Variants in DST observed in about 807,000 individuals in gnomAD.
The protein encoded by DST is bullous pemphigoid antigen.
DST carries 253 observed loss-of-function variants against 875.2 expected under a neutral mutation model. That is an observed-to-expected ratio of 0.29 (90% CI 0.26 to 0.32). DST has a LOEUF of 0.32. Among genes scored for constraint, DST ranks in the 10% least tolerant of loss-of-function variants. The pLI is 1.00. For synonymous variants in DST, 3,124 were observed against 3,197.1 expected (o/e 0.98, Z 0.77); for missense variants, 8,287 against 9,111.6 (o/e 0.91, Z 3.68).
At chr6:56,762,615 C>T (rs2099619936) in intron 4 of DST, among the ~76,000 whole-genome samples, 1 of 152,178 alleles carries the variant, frequency 6.6e-6, no homozygotes. Flanking sequence ...CCTTCTTTCA[C>T]TATCACAGTT....
At chr6:56,870,538 A>G (rs529431639) in intron 3 of DST, among the ~76,000 whole-genome samples, 2 of 151,980 alleles carry the variant, frequency 1.3e-5, no homozygotes, top group Non-Finnish European at 2.9e-5. Context: ...CGAGGTGGGC[A>G]GATCACCTGA....
chr6:56,626,564 T>C (rs1342671634), intron 34 of DST, among the ~76,000 whole-genome samples: 1 of 152,056 alleles, frequency 6.6e-6, no homozygotes, highest in African/African-American at 2.4e-5. Context: ...GTTCGCACAA[T>C]GAAAAAATCA....
chr6:56,666,129 C>T (rs1028321416), intron 10 of DST, among the ~76,000 whole-genome samples: 10 of 151,978 alleles, frequency 6.6e-5, no homozygotes, highest in Admixed American at 2.6e-4. Flanking sequence ...ATATTTTCTA[C>T]GGAAAATTTT....
chr6:56,468,108 T>G (rs1212001052), intron 98 of DST, among the ~76,000 whole-genome samples: 1 of 152,120 alleles, frequency 6.6e-6, no homozygotes, highest in Non-Finnish European at 1.5e-5. Context: ...GGCAGAGTCA[T>G]ATCTAATGTA....
intron 5 of DST, among the ~76,000 whole-genome samples, chr6:56,707,571 G>A (rs2099346060): frequency 6.6e-6 from 1 of 152,156 alleles, no homozygotes; most frequent in Non-Finnish European, 1.5e-5. Context: ...ATAGTGCTGA[G>A]AATTCTGTGC....
At chr6:56,702,493 G>A (rs1263923148) in intron 7 of DST, among the ~76,000 whole-genome samples, 1 of 151,902 alleles carries the variant, frequency 6.6e-6, no homozygotes, top group African/African-American at 2.4e-5. Flanking sequence ...AGACAGAGAA[G>A]GTTTACTTAG....
chr6:56,808,108 A>C (rs2099755333), intron 4 of DST, among the ~76,000 whole-genome samples: 1 of 152,194 alleles, frequency 6.6e-6, no homozygotes, highest in South Asian at 2.1e-4. Flanking sequence ...TTACCTAGAA[A>C]GGGTGAGTCT....
chr6:56,495,387 C>G (rs966611218), intron 82 of DST, among the ~76,000 whole-genome samples: 2 of 151,630 alleles, frequency 1.3e-5, no homozygotes, highest in African/African-American at 4.8e-5. Context: ...TTTTAAATAC[C>G]CCGCCCAAAC....
At chr6:56,479,960 T>C (rs1405841324) in intron 90 of DST, among the ~76,000 whole-genome samples, 2 of 152,234 alleles carry the variant, frequency 1.3e-5, no homozygotes, top group African/African-American at 2.4e-5. Flanking sequence ...TTTATTCTAA[T>C]TTAAGTGGCC....
intron 2 of DST, among the ~76,000 whole-genome samples, chr6:56,900,992 G>A (rs557906858): frequency 6.6e-5 from 10 of 152,112 alleles, no homozygotes; most frequent in African/African-American, 2.2e-4. Flanking sequence ...TGTAGGGAGC[G>A]GGACAGGATA....
rs1374449576 is a variant in DST, at chr6:56,740,046, G to C, written c.626-4757C>G. 2.0e-5 allele frequency among the ~76,000 whole-genome samples: 3 copies of C among 152,162 alleles called. No individual in the cohort carries two copies. The East Asian group carries it at 5.8e-4, about 29-fold the overall frequency. The stretch of plus-strand genomic sequence containing the variant: ...CTGGCTAATGTTTGTATTTTAGACA[G>C]GGTTTCGCCATGTTAGCCAGGTTGG... On this transcript the variant is annotated intron_variant, in intron 4 of 103. Coordinates refer to ENST00000680361, the MANE Select transcript of DST (RefSeq NM_001374736.1).
chr6:56,937,582 T>C (rs1156349317), intron 2 of DST, among the ~76,000 whole-genome samples: 1 of 152,160 alleles, frequency 6.6e-6, no homozygotes, highest in Non-Finnish European at 1.5e-5. Flanking sequence ...TACAGCCATT[T>C]AAAAAAACAA....
intron 54 of DST, 125 bp downstream of exon 54, chr6:56,569,731 A>T (rs1314343657): frequency 5.6e-6 from 4 of 715,770 alleles, no homozygotes; most frequent in Non-Finnish European, 8.4e-6. Context: ...AAGGTCAACA[A>T]AATATACAGT....
intron 3 of DST, among the ~76,000 whole-genome samples, chr6:56,861,444 C>T (rs1771111316): frequency 6.6e-6 from 1 of 152,176 alleles, no homozygotes; most frequent in East Asian, 1.9e-4. Flanking sequence ...GCAAACCAAT[C>T]CAACCACAGC....
At chr6:56,777,460 T>C (rs996456283) in intron 4 of DST, among the ~76,000 whole-genome samples, 1 of 152,102 alleles carries the variant, frequency 6.6e-6, no homozygotes, top group Admixed American at 6.5e-5. Flanking sequence ...TGCAGTGTCA[T>C]GCAAGTGGGA....
At chr6:56,866,279 T>A (rs375004304) in intron 3 of DST, among the ~76,000 whole-genome samples, 1 of 152,230 alleles carries the variant, frequency 6.6e-6, no homozygotes. Flanking sequence ...ATTACAGGCA[T>A]GAGCCACCAT....
chr6:56,883,011 G>A (rs2127640346), intron 3 of DST, among the ~76,000 whole-genome samples: 1 of 152,294 alleles, frequency 6.6e-6, no homozygotes, highest in African/African-American at 2.4e-5. Flanking sequence ...GGAATTACAG[G>A]TGCGTGCCAC....
rs780605536 is a variant in DST at position 56,632,045 on chromosome 6, G to A, written c.3806-5C>T. 3 of 1,607,362 alleles carry A rather than the reference G, an allele frequency of 1.9e-6. No individual in the cohort carries two copies. The highest frequency in any genetic ancestry group is 2.6e-6 in the Non-Finnish European group (3 of 1,174,188). On this transcript the variant is annotated splice_polypyrimidine_tract_variant and splice_region_variant and intron_variant, in intron 28 of 103. Transcript: ENST00000680361. ...AAACTGATTCCTCTTGCTCCTCTGT[G>A]AAAATAAATATGTTTAGAAAATACC...
rs1159837857 is a variant in DST, at chr6:56,701,909, A to G, written c.933T>C (p.Leu311=). 6.2e-7 allele frequency: 1 copy of G among 1,610,294 alleles called. No homozygotes were observed. The highest frequency in any genetic ancestry group is 8.5e-7 in the Non-Finnish European group (1 of 1,177,320). The change falls in exon 8 of 104, where the codon CTT becomes CTC. Residue 311 remains leucine, a synonymous_variant. Coordinates refer to ENST00000680361, the MANE Select transcript of DST (RefSeq NM_001374736.1). ...ATACCTGGCGTCTTTTCAAATAGTC[A>G]AGTGCAATTTGTACATTCTGTAGTC... is the stretch of plus-strand genomic sequence containing the variant. The part of the protein sequence containing the change: ...FHRLQNVQIA[L]DYLKRRQVKL...
Sources: gnomAD v4.1 joint callset for allele counts (sites outside exome capture counted in the v4.1 genomes callset) on GRCh38, gnomAD v4.1.1 for gene constraint, MANE v1.5 for transcripts, NCBI Gene and HGNC (gene_info 2026-07-23, HGNC 2026-07-21) for gene names.